CNTLN: variants seen among roughly 807,000 people sequenced by gnomAD.
The protein encoded by CNTLN is centlein, also known as centlein, centrosomal protein.
CNTLN carries 212 observed loss-of-function variants against 180.0 expected under a neutral mutation model. The observed-to-expected ratio is 1.18, with a 90% CI of 1.05 to 1.32. The LOEUF (loss-of-function observed/expected upper bound fraction) is 1.32, where lower values mean the gene tolerates loss of function less well. Ranked by LOEUF, CNTLN falls within the 40% of genes most tolerant of loss-of-function variation. The pLI is 0.00. For missense variants in CNTLN, 2,095 were observed against 1,610.9 expected (o/e 1.30, Z -5.14); for synonymous variants, 722 against 563.1 (o/e 1.28, Z -3.99).
At chr9:17,290,249 T>A (rs1259712194) in intron 6 of CNTLN, among the ~76,000 whole-genome samples, 1 of 151,992 alleles carries the variant, frequency 6.6e-6, no homozygotes, top group African/African-American at 2.4e-5. Context: ...CAGCTGCAGG[T>A]CTGTTGGAAT....
intron 6 of CNTLN, among the ~76,000 whole-genome samples, chr9:17,293,062 C>T (rs190378579): frequency 3.3e-5 from 5 of 152,328 alleles, no homozygotes; most frequent in Admixed American, 3.3e-4. Context: ...TCACTCCAGA[C>T]CCTATTCACT....
At chr9:17,240,538 T>A (rs1825419074) in intron 5 of CNTLN, among the ~76,000 whole-genome samples, 1 of 152,236 alleles carries the variant, frequency 6.6e-6, no homozygotes, top group African/African-American at 2.4e-5. Flanking sequence ...AAATACCTAT[T>A]TGCCATTTGT....
chr9:17,432,876 C>T (rs1829499844), intron 18 of CNTLN, among the ~76,000 whole-genome samples: 1 of 151,860 alleles, frequency 6.6e-6, no homozygotes, highest in Non-Finnish European at 1.5e-5. Flanking sequence ...AAACAATTAG[C>T]CGGGCATGGT....
At chr9:17,480,543 C>G (rs532098345) in intron 23 of CNTLN, among the ~76,000 whole-genome samples, 4 of 152,186 alleles carry the variant, frequency 2.6e-5, no homozygotes, top group African/African-American at 9.6e-5. Flanking sequence ...ATCAATAATT[C>G]AAGTAGAGAA....
chr9:17,354,131 C>T (rs1003428010), intron 12 of CNTLN, among the ~76,000 whole-genome samples: 7 of 152,314 alleles, frequency 4.6e-5, no homozygotes, highest in South Asian at 4.1e-4. Flanking sequence ...AGCCCACCGG[C>T]GCTGCGCTCA....
At chr9:17,460,102 G>A (rs912105875) in intron 19 of CNTLN, among the ~76,000 whole-genome samples, 20 of 151,350 alleles carry the variant, frequency 1.3e-4, no homozygotes, top group Non-Finnish European at 2.1e-4. Flanking sequence ...GTTAATATTA[G>A]ACTTTTCTGT....
At chr9:17,271,959 A>C (rs1027728857) in intron 5 of CNTLN, among the ~76,000 whole-genome samples, 1 of 151,928 alleles carries the variant, frequency 6.6e-6, no homozygotes, top group Non-Finnish European at 1.5e-5. Context: ...TATTCTGTAT[A>C]TTTATAGTCC....
intron 2 of CNTLN, among the ~76,000 whole-genome samples, chr9:17,151,588 T>C (rs140368598): frequency 0.02 from 3,030 of 151,928 alleles, 66 homozygotes; most frequent in African/African-American, 0.054. Context: ...ATTTTCGCAT[T>C]GATGTTCATC....
At chr9:17,233,221 A>T (rs1340445612) in intron 3 of CNTLN, among the ~76,000 whole-genome samples, 1 of 152,096 alleles carries the variant, frequency 6.6e-6, no homozygotes, top group Non-Finnish European at 1.5e-5. Flanking sequence ...ATGACCCATT[A>T]TACACACATG....
chr9:17,306,687 T>G (rs1479566038), intron 7 of CNTLN, among the ~76,000 whole-genome samples: 1 of 152,180 alleles, frequency 6.6e-6, no homozygotes, highest in Non-Finnish European at 1.5e-5. Context: ...AGAAGGTATG[T>G]AGTTTTCTTT....
intron 14 of CNTLN, among the ~76,000 whole-genome samples, chr9:17,393,818 T>C (rs1460437474): frequency 6.6e-6 from 1 of 152,202 alleles, no homozygotes; most frequent in Non-Finnish European, 1.5e-5. Flanking sequence ...ACTTAGATTA[T>C]ATCCTTTATT....
chr9:17,179,169 G>A (rs1339390783), intron 2 of CNTLN, among the ~76,000 whole-genome samples: 3 of 144,032 alleles, frequency 2.1e-5, no homozygotes, highest in African/African-American at 2.7e-5. Context: ...GCGTGAACCC[G>A]GGAGGCGGAG....
Position 17,395,319 on chromosome 9 carries a change from C to T in CNTLN, c.2615+250C>T, listed in dbSNP as rs148697981. On this transcript the variant is annotated intron_variant, in intron 15 of 25. Transcript: ENST00000380647. ...AAAGAAGGCAATGCTTGATTTCTTT[C>T]AGTGATGCTATTTTCATGCAGTCAT... Among the ~76,000 whole-genome samples, 16 of 152,246 alleles carry T rather than the reference C, an allele frequency of 1.1e-4. No homozygotes were observed. In the East Asian group the frequency reaches 3.1e-3, roughly 29 times the overall value.
the CNTLN span, among the ~76,000 whole-genome samples, chr9:17,526,809 C>T: frequency 6.6e-6 from 1 of 151,862 alleles, no homozygotes; most frequent in East Asian, 1.9e-4. Context: ...AACTCTTTAA[C>T]AAAAATGCTT....
At chr9:17,366,889 A>G (rs907609765) in intron 13 of CNTLN, among the ~76,000 whole-genome samples, 172 bp downstream of exon 13, 36 of 152,206 alleles carry the variant, frequency 2.4e-4, no homozygotes, top group African/African-American at 8.4e-4. Flanking sequence ...TAAATAGAAC[A>G]TCTAAAAGTC....
intron 2 of CNTLN, among the ~76,000 whole-genome samples, chr9:17,184,530 T>C (rs1306901227): frequency 6.6e-6 from 1 of 152,160 alleles, no homozygotes; most frequent in Non-Finnish European, 1.5e-5. Context: ...ACTCTTTCAC[T>C]TGAGAATGTG....
chr9:17,183,924 C>T (rs1192394315), intron 2 of CNTLN, among the ~76,000 whole-genome samples: 2 of 151,958 alleles, frequency 1.3e-5, no homozygotes, highest in African/African-American at 2.4e-5. Context: ...TGTACCTACC[C>T]TGTGAAAGCT....
At chr9:17,338,681 T>G (rs1297182519) in intron 10 of CNTLN, among the ~76,000 whole-genome samples, 1 of 152,134 alleles carries the variant, frequency 6.6e-6, no homozygotes, top group Non-Finnish European at 1.5e-5. Context: ...AAGCTTTTTG[T>G]TCAAAGACAT....
At chr9:17,212,085 G>C (rs367805912) in intron 2 of CNTLN, among the ~76,000 whole-genome samples, 10 of 152,178 alleles carry the variant, frequency 6.6e-5, no homozygotes, top group East Asian at 3.9e-4. Context: ...GAATTTCCAA[G>C]ACTATGTTGA....
Sources: gnomAD v4.1 joint callset for allele counts (sites outside exome capture counted in the v4.1 genomes callset) on GRCh38, gnomAD v4.1.1 for gene constraint, MANE v1.5 for transcripts, NCBI Gene and HGNC (gene_info 2026-07-23, HGNC 2026-07-21) for gene names.